Variants in ERC2 observed in about 807,000 individuals in gnomAD.
ERC2 encodes the protein ELKS/RAB6-interacting/CAST family member 2.
In ERC2, 42 loss-of-function variants were observed where a neutral mutation model predicts 114.8. The observed-to-expected ratio is 0.37, with a 90% CI of 0.29 to 0.47. The LOEUF (loss-of-function observed/expected upper bound fraction) is 0.47, where lower values mean the gene tolerates loss of function less well. ERC2 is among the 20% of genes least tolerant of loss of function. ERC2 has a pLI of 0.99. For missense variants in ERC2, 939 were observed against 1,150.7 expected (o/e 0.82, Z 2.66); for synonymous variants, 454 against 425.5 (o/e 1.07, Z -0.82).
intron 14 of ERC2, among the ~76,000 whole-genome samples, chr3:55,852,209 G>A (rs2061603977): frequency 6.6e-6 from 1 of 152,190 alleles, no homozygotes; most frequent in Non-Finnish European, 1.5e-5. Flanking sequence ...GACAGGGTGA[G>A]TCTCTGTCTC....
chr3:56,184,418 C>A (rs2083467584), intron 3 of ERC2, among the ~76,000 whole-genome samples: 1 of 152,100 alleles, frequency 6.6e-6, no homozygotes, highest in African/African-American at 2.4e-5. Context: ...GAATATAAGA[C>A]CACAAATGTT....
At chr3:55,831,594 A>T (rs1048143764) in intron 14 of ERC2, among the ~76,000 whole-genome samples, 23 of 152,222 alleles carry the variant, frequency 1.5e-4, no homozygotes, top group African/African-American at 5.5e-4. Flanking sequence ...AATAGTCTAA[A>T]CATATCAATT....
At chr3:55,975,203 C>A (rs997980067) in intron 12 of ERC2, among the ~76,000 whole-genome samples, 1 of 150,078 alleles carries the variant, frequency 6.7e-6, no homozygotes. Flanking sequence ...AAAAAAAAAA[C>A]ATGAATTAAA....
intron 12 of ERC2, among the ~76,000 whole-genome samples, chr3:55,951,469 T>C (rs760171159): frequency 1.3e-4 from 20 of 152,238 alleles, no homozygotes; most frequent in Non-Finnish European, 2.6e-4. Flanking sequence ...AGTAAAAGAC[T>C]AAAGATAAAG....
intron 15 of ERC2, among the ~76,000 whole-genome samples, chr3:55,715,675 A>G (rs1235990682): frequency 2.0e-5 from 3 of 152,200 alleles, no homozygotes; most frequent in Non-Finnish European, 4.4e-5. Context: ...ATAACCCATT[A>G]AAAGAATAAA....
chr3:56,010,625 C>T (rs1382948298), intron 8 of ERC2, 36 bp from the exon 9 acceptor site: 1 of 1,604,286 alleles, frequency 6.2e-7, no homozygotes, highest in Admixed American at 1.7e-5. Context: ...GAGGTGAGAA[C>T]CCATCAGTGT....
chr3:55,938,177 A>G (rs2066572332), intron 13 of ERC2, among the ~76,000 whole-genome samples: 1 of 152,080 alleles, frequency 6.6e-6, no homozygotes, highest in Non-Finnish European at 1.5e-5. Flanking sequence ...TCAGAGCCCA[A>G]CATGATGCCT....
intron 14 of ERC2, among the ~76,000 whole-genome samples, chr3:55,835,349 C>T (rs2060824506): frequency 6.6e-6 from 1 of 152,094 alleles, no homozygotes; most frequent in Admixed American, 6.5e-5. Context: ...TGCAAAAATC[C>T]TCAATGAAAT....
intron 6 of ERC2, among the ~76,000 whole-genome samples, chr3:56,133,983 C>T (rs2149896874): frequency 6.6e-6 from 1 of 152,300 alleles, no homozygotes; most frequent in African/African-American, 2.4e-5. Flanking sequence ...AATAATGAAG[C>T]TAGCAGAATG....
chr3:56,225,295 C>A (rs2050178206), intron 3 of ERC2, among the ~76,000 whole-genome samples: 1 of 152,158 alleles, frequency 6.6e-6, no homozygotes, highest in East Asian at 1.9e-4. Context: ...TGGCCTGGCA[C>A]TCACACCAGG....
chr3:56,197,233 C>G lies in ERC2; in HGVS notation c.1075-23713G>C, dbSNP rs543330718. Among the ~76,000 whole-genome samples, 60 of 152,292 alleles carry G rather than the reference C, an allele frequency of 3.9e-4. 1 individual carries two copies. The highest frequency in any genetic ancestry group is 3.4e-3 in the Middle Eastern group (1 of 294). On this transcript the variant is annotated intron_variant, in intron 3 of 17. Transcript: ENST00000288221. ...TGGCCTCGGGCAAGTAACTTGGCCT[C>G]TCTGTGTCTCAGCTTCAGTATCTGT... is the stretch of plus-strand genomic sequence containing the variant.
At position 55,781,826 on chromosome 3, in the gene ERC2, C is replaced by T. The variant is rs1256400734; in HGVS notation, c.2565-46908G>A. 2.7e-5 allele frequency among the ~76,000 whole-genome samples: 4 copies of T among 149,886 alleles called. No homozygotes were observed. In the East Asian group the frequency reaches 5.9e-4, roughly 22 times the overall value. ...TGTGGAGGTTGCAGTGAGCCGAGAT[C>T]GCCCTACTACACTCCCGCCGGGGCA... On this transcript the variant is annotated intron_variant, in intron 14 of 17. Transcript: ENST00000288221.
intron 17 of ERC2, among the ~76,000 whole-genome samples, chr3:55,562,626 T>C (rs1297287890): frequency 1.3e-5 from 2 of 152,180 alleles, no homozygotes; most frequent in East Asian, 1.9e-4. Context: ...CCCAGGTTGG[T>C]GGCCTGAGGG....
chr3:55,980,569 T>C (rs1269838962), intron 12 of ERC2, among the ~76,000 whole-genome samples: 1 of 152,234 alleles, frequency 6.6e-6, no homozygotes, highest in African/African-American at 2.4e-5. Context: ...ATTATTTTTC[T>C]AGAAAGTGAT....
chr3:56,378,328 A>G (rs2059622661), intron 2 of ERC2, among the ~76,000 whole-genome samples: 2 of 144,186 alleles, frequency 1.4e-5, no homozygotes, highest in South Asian at 4.6e-4. Context: ...AGAATAAAAA[A>G]CCAAACACTG....
chr3:56,423,573 G>A (rs1449157791), intron 2 of ERC2, among the ~76,000 whole-genome samples: 2 of 152,220 alleles, frequency 1.3e-5, no homozygotes, highest in African/African-American at 4.8e-5. Flanking sequence ...GCCCAGCCAT[G>A]GGTTTGTAAG....
Position 56,010,494 on chromosome 3 carries a change from C to T in ERC2, c.1875G>A (p.Leu625=). ...IESFRKENKD[L]KEKVNALQAE... is the part of the protein sequence containing the mutation. ...CCTGTAAAGCATTGACCTTCTCTTT[C>T]AGGTCTTTGTTCTCTTTTCGGAAGG... Residue 625 remains leucine, a synonymous_variant, in exon 9 of 18, where the codon CTG becomes CTA. Transcript: ENST00000288221. The T allele has an allele frequency of 6.2e-7, 1 of 1,613,654 alleles. No homozygotes were observed. The highest frequency in any genetic ancestry group is 1.1e-5 in the South Asian group (1 of 91,060).
chr3:55,555,311 G>A (rs879868419), intron 17 of ERC2, among the ~76,000 whole-genome samples: 6 of 151,992 alleles, frequency 3.9e-5, no homozygotes, highest in Admixed American at 6.6e-5. Context: ...AAACCCTATC[G>A]GCCCCAGCTT....
intron 2 of ERC2, among the ~76,000 whole-genome samples, chr3:56,307,389 G>GCAATATTGAGCAATTTTGAGCCAA (rs2056292033): frequency 6.6e-6 from 1 of 152,044 alleles, no homozygotes. Context: ...GAAAGTATGG[G>GCAATATTGAGCAATTTTGAGCCAA]TTTTGAGCAA....
Sources: allele counts gnomAD v4.1 joint callset (sites outside exome capture counted in the v4.1 genomes callset), GRCh38; gene constraint gnomAD v4.1.1; transcripts MANE v1.5; gene names NCBI Gene and HGNC (gene_info 2026-07-23, HGNC 2026-07-21).